ASTN1: variants seen among roughly 807,000 people sequenced by gnomAD.
The protein encoded by ASTN1 is astrotactin-1.
In ASTN1, 41 loss-of-function variants were observed where a neutral mutation model predicts 140.7. The ratio of observed to expected loss-of-function variants is 0.29; its 90% CI spans 0.23 to 0.38. ASTN1 has a LOEUF of 0.38. ASTN1 is among the 10% of genes least tolerant of loss of function. The pLI, the probability that ASTN1 is intolerant of heterozygous loss-of-function variation, is 1.00. For missense variants in ASTN1, 1,479 were observed against 1,678.8 expected, an observed-to-expected ratio of 0.88 and a Z score of 2.08; for synonymous variants, 640 against 652.2, an observed-to-expected ratio of 0.98 and a Z score of 0.29.
chr1:176,883,795 C>A (rs1668909686), intron 19 of ASTN1, among the ~76,000 whole-genome samples: 1 of 152,168 alleles, frequency 6.6e-6, no homozygotes, highest in Non-Finnish European at 1.5e-5. Flanking sequence ...TAGTGAAATA[C>A]TAAGGCAAGG....
intron 2 of ASTN1, among the ~76,000 whole-genome samples, chr1:177,057,417 C>T (rs747562315): frequency 6.6e-5 from 10 of 151,984 alleles, no homozygotes; most frequent in Non-Finnish European, 1.3e-4. Context: ...TGTGTTAAAA[C>T]AAAACATAAT....
chr1:177,005,529 T>C (rs979211884), intron 8 of ASTN1, among the ~76,000 whole-genome samples: 15 of 152,214 alleles, frequency 9.9e-5, no homozygotes, highest in African/African-American at 3.1e-4. Flanking sequence ...TGCATGTATA[T>C]GTTTGTCATA....
At chr1:177,127,034 A>T (rs558060983) in intron 1 of ASTN1, among the ~76,000 whole-genome samples, 119 of 152,310 alleles carry the variant, frequency 7.8e-4, no homozygotes, top group African/African-American at 2.6e-3. Context: ...GACAGCATAA[A>T]CAATAAGCAT....
chr1:177,091,816 T>A (rs1424759989), intron 1 of ASTN1, among the ~76,000 whole-genome samples: 1 of 152,184 alleles, frequency 6.6e-6, no homozygotes, highest in East Asian at 1.9e-4. Context: ...TTTCTTTCAC[T>A]TAGCACAGTG....
rs1243654355 is a variant in ASTN1 at position 177,030,944 on chromosome 1, T to A, written c.874A>T (p.Asn292Tyr). The A allele has an allele frequency of 7.4e-6, 12 of 1,612,382 alleles. No individual in the cohort carries two copies. Among genetic ancestry groups the A allele is most frequent in the Non-Finnish European group, 3.4e-6 (4 of 1,179,108 alleles). The change falls in exon 4 of 23, where the codon AAT (asparagine) becomes TAT (tyrosine). Residue 292 changes from asparagine (N) to tyrosine (Y), a missense_variant. Physicochemically the swap from Asn to Tyr is moderately radical, Grantham distance 143. Transcript: ENST00000361833. ...SGMDLTPGSD[N>Y]AKLSLMNKYK... Reference sequence around the variant, plus strand: ...TTGTTCATCAGTGACAGCTTGGCATTGTCACTTCCTGTATAAGGAAAAGAC... The same window carrying A: ...TTGTTCATCAGTGACAGCTTGGCATAGTCACTTCCTGTATAAGGAAAAGAC...
At chr1:176,867,374 G>A (rs1205413184) in intron 22 of ASTN1, among the ~76,000 whole-genome samples, 1 of 152,124 alleles carries the variant, frequency 6.6e-6, no homozygotes, top group Non-Finnish European at 1.5e-5. Context: ...GTAGAAGGGA[G>A]TGGAGAGGAG....
chr1:176,918,455 C>G (rs1290883935), intron 16 of ASTN1, among the ~76,000 whole-genome samples: 1 of 152,146 alleles, frequency 6.6e-6, no homozygotes, highest in Non-Finnish European at 1.5e-5. Flanking sequence ...ACTGCTCACC[C>G]CCCGGCAACA....
chr1:176,951,793 G>A (rs1672200853), intron 11 of ASTN1, among the ~76,000 whole-genome samples: 1 of 152,078 alleles, frequency 6.6e-6, no homozygotes, highest in Non-Finnish European at 1.5e-5. Context: ...GTCTTGTCCA[G>A]GTTTTTTATT....
chr1:177,017,916 A>T (rs1258422971), intron 7 of ASTN1, among the ~76,000 whole-genome samples: 1 of 152,190 alleles, frequency 6.6e-6, no homozygotes, highest in Non-Finnish European at 1.5e-5. Flanking sequence ...AGATTAAAGA[A>T]AAACCTTGAA....
intron 6 of ASTN1, 128 bp from the exon 7 acceptor site, chr1:177,023,699 A>G: frequency 2.8e-6 from 3 of 1,077,738 alleles, no homozygotes; most frequent in Non-Finnish European, 3.8e-6. Context: ...CACCATTCCT[A>G]GCCCATCATT....
intron 8 of ASTN1, among the ~76,000 whole-genome samples, chr1:177,005,323 C>A (rs775818749): frequency 3.3e-5 from 5 of 152,064 alleles, no homozygotes; most frequent in Non-Finnish European, 7.4e-5. Flanking sequence ...AGACAAAAAA[C>A]AACAGATGTT....
chr1:177,094,507 A>G (rs1478518531), intron 1 of ASTN1, among the ~76,000 whole-genome samples: 1 of 152,184 alleles, frequency 6.6e-6, no homozygotes, highest in Non-Finnish European at 1.5e-5. Flanking sequence ...CCATGTGGAG[A>G]CACAGTGAGA....
chr1:177,056,875 G>GT (rs1677833947), intron 2 of ASTN1, among the ~76,000 whole-genome samples: 1 of 152,142 alleles, frequency 6.6e-6, no homozygotes, highest in Admixed American at 6.6e-5. Context: ...CTTCTATGGA[G>GT]TAAACCATTT....
At position 176,862,595 on chromosome 1, in the gene ASTN1, G is replaced by T. The variant is rs559295719; in HGVS notation, c.*1689C>A. 3 of 984,058 alleles carry T rather than the reference G, an allele frequency of 3.0e-6. No homozygotes were observed. In the African/African-American group the frequency reaches 5.2e-5, roughly 17 times the overall value. The allele number at this position is 984,058 out of a possible 1,614,324, so 61.0% of individuals were successfully genotyped here. A position where few individuals can be genotyped will look rare whatever the true frequency, so the allele number is the denominator to read the frequency against. ...TATCCCAGAGTAGCTAAGATCCTGT[G>T]CCCTGGAGACCAACAGCCTGAAATC... is the stretch of plus-strand genomic sequence containing the variant. On this transcript the variant is annotated 3_prime_UTR_variant, in exon 23 of 23. Coordinates refer to ENST00000361833, the MANE Select transcript of ASTN1 (RefSeq NM_004319.3).
At chr1:177,148,166 C>A (rs1375770032) in intron 1 of ASTN1, among the ~76,000 whole-genome samples, 1 of 152,140 alleles carries the variant, frequency 6.6e-6, no homozygotes, top group Admixed American at 6.5e-5. Context: ...CGCCTGTAAT[C>A]CCAGCACTTT....
Position 176,944,036 on chromosome 1 carries a change from C to T in ASTN1, c.2250-18G>A, listed in dbSNP as rs1337807065. The stretch of plus-strand genomic sequence containing the variant: ...TGTTTTGCCTAGAAAGAGGGTAGAC[C>T]TTCATTTCTGAGTGTTCAGGTGAAC... On this transcript the variant is annotated intron_variant, in intron 13 of 22. Transcript: ENST00000361833. 1.2e-6 allele frequency: 2 copies of T among 1,612,174 alleles called. No homozygotes were observed. Among genetic ancestry groups the T allele is most frequent in the Non-Finnish European group, 1.7e-6 (2 of 1,179,372 alleles).
At chr1:177,131,165 T>A (rs934868220) in intron 1 of ASTN1, among the ~76,000 whole-genome samples, 4 of 152,152 alleles carry the variant, frequency 2.6e-5, no homozygotes, top group Non-Finnish European at 5.9e-5. Flanking sequence ...CTGGTGGAAA[T>A]ATAAATTAAT....
intron 2 of ASTN1, among the ~76,000 whole-genome samples, chr1:177,054,365 T>C (rs2102019591): frequency 1.3e-5 from 2 of 152,370 alleles, no homozygotes; most frequent in South Asian, 4.1e-4. Context: ...TGATGGTGTC[T>C]ATGTTATATT....
Position 176,884,427 on chromosome 1 carries a change from T to C in ASTN1, c.3138A>G (p.Ser1046=). ...CAATCTGCACCCCGATTGGTGGCTC[T>C]GAGTGTTCCCACTCCAGGACCACAA... ...STLVVLEWEH[S]EPPIGVQIVD... The change falls in exon 19 of 23, where the codon TCA becomes TCG. Residue 1046 remains serine (S), a synonymous_variant. Coordinates refer to ENST00000361833, the MANE Select transcript of ASTN1 (RefSeq NM_004319.3). 6.2e-7 allele frequency: 1 copy of C among 1,614,180 alleles called. No homozygotes were observed. The highest frequency in any genetic ancestry group is 1.1e-5 in the South Asian group (1 of 91,076).
Sources: gnomAD v4.1 joint callset for allele counts (sites outside exome capture counted in the v4.1 genomes callset) on GRCh38, gnomAD v4.1.1 for gene constraint, MANE v1.5 for transcripts, NCBI Gene and HGNC (gene_info 2026-07-23, HGNC 2026-07-21) for gene names.